The following RSRP1 variants were observed in gnomAD, a reference collection of about 807,000 sequenced individuals.
RSRP1 encodes the protein arginine/serine-rich protein 1.
Under a neutral mutation model 33.0 loss-of-function variants are expected in RSRP1, and 37 were observed. That is an observed-to-expected ratio of 1.12 (90% CI 0.86 to 1.48). The LOEUF is 1.48. Ranked by LOEUF, RSRP1 falls within the 40% of genes most tolerant of loss-of-function variation. The pLI, the probability that RSRP1 is intolerant of heterozygous loss-of-function variation, is 0.00. For missense variants in RSRP1, 402 were observed against 385.3 expected (o/e 1.04, Z -0.36); for synonymous variants, 167 against 158.7 (o/e 1.05, Z -0.40).
upstream of RSRP1, chr1:25,247,823 G>T (rs1474267061): frequency 6.6e-6 from 1 of 152,554 alleles, no homozygotes; most frequent in African/African-American, 2.4e-5. Flanking sequence ...CGGGGAGTAG[G>T]GCCGGGAGAG....
intron 1 of RSRP1, among the ~76,000 whole-genome samples, chr1:25,292,553 T>A (rs1335260660): frequency 7.7e-6 from 1 of 130,082 alleles, no homozygotes; most frequent in Non-Finnish European, 1.8e-5. Context: ...CGGCTGCTGG[T>A]GCCATTTACT....
chr1:25,259,511 C>CT (rs914257076), intron 1 of RSRP1, among the ~76,000 whole-genome samples: 61 of 149,216 alleles, frequency 4.1e-4, no homozygotes, highest in South Asian at 3.9e-3. Flanking sequence ...GATTTTTATA[C>CT]TTTTTTTTTT....
chr1:25,260,431 A>T (rs1447024352), intron 1 of RSRP1, among the ~76,000 whole-genome samples: 1 of 151,532 alleles, frequency 6.6e-6, no homozygotes, highest in Non-Finnish European at 1.5e-5. Flanking sequence ...AATTTTACAG[A>T]TTTTTTTTTC....
chr1:25,246,086 T>A (rs1639361244), intron 2 of RSRP1: 1 of 205,434 alleles, frequency 4.9e-6, no homozygotes, highest in African/African-American at 2.3e-5. Flanking sequence ...CAATCCAATT[T>A]TATTCAGTAA....
At position 25,246,614 on chromosome 1, in the gene RSRP1, C is replaced by T. The variant is rs777014511; in HGVS notation, c.350G>A (p.Ser117Asn). 2 of 1,613,926 alleles carry T rather than the reference C, an allele frequency of 1.2e-6. No homozygotes were observed. Among genetic ancestry groups the T allele is most frequent in the African/African-American group, 1.3e-5 (1 of 74,914 alleles). ...CGACCTTCCCCGAGAGCGCGACCTGCTACGGGACCGGGACCGGTACCGCGA... is the reference window on the plus strand; with the variant it reads ...CGACCTTCCCCGAGAGCGCGACCTGTTACGGGACCGGGACCGGTACCGCGA... ...SPSRYRSRSR[S>N]RSRSRGRSYC... The change falls in exon 2 of 5, where the codon AGC (serine) becomes AAC (asparagine). Residue 117 changes from serine to asparagine, a missense_variant. Ser to Asn is a conservative substitution (Grantham distance 46, BLOSUM62 1). Coordinates refer to ENST00000243189, the MANE Select transcript of RSRP1 (RefSeq NM_020317.5).
chr1:25,290,544 G>T lies in RSRP1; in HGVS notation c.-66-43515C>A, dbSNP rs1642398307. ...CCACAGAAAGTAGGTGCCCAACAGT[G>T]TTTGTTGAAAGAATGAATGAATGAA... On this transcript the variant is annotated intron_variant, in intron 1 of 1. Coordinates refer to the RSRP1 transcript ENST00000561867. The T allele has an allele frequency of 8.4e-6, 9 of 1,076,656 alleles. 1 individual carries two copies. The highest frequency in any genetic ancestry group is 7.5e-5 in the Admixed American group (4 of 53,028). The allele number at this position is 1,076,656 out of a possible 1,614,324, so 66.7% of individuals were successfully genotyped here.
rs576140769 is a variant in RSRP1, at chr1:25,244,126, GTGCAATTTGCTAA to G, written c.673-506_673-494del. On this transcript the variant is annotated intron_variant, in intron 3 of 4. Transcript: ENST00000243189. ...CACCCAGGCTGGAGTGAAAAGTACA[GTGCAATTTGCTAA>G]TGCACATCCTGCACATTTCTGGAGA... is the stretch of plus-strand genomic sequence containing the variant. 183 of 1,282,600 alleles carry G rather than the reference GTGCAATTTGCTAA, an allele frequency of 1.4e-4. 1 individual carries two copies. The African/African-American group carries it at 2.6e-3, about 18-fold the overall frequency. The allele number at this position is 1,282,600 out of a possible 1,614,324, so 79.5% of individuals were successfully genotyped here.
intron 1 of RSRP1, among the ~76,000 whole-genome samples, chr1:25,255,685 G>T (rs1639925234): frequency 6.6e-6 from 1 of 152,122 alleles, no homozygotes; most frequent in Non-Finnish European, 1.5e-5. Context: ...CCATAATGTA[G>T]AATCAGTGGG....
chr1:25,283,655 AC>A (rs1470488336), intron 1 of RSRP1, among the ~76,000 whole-genome samples: 2 of 133,944 alleles, frequency 1.5e-5, no homozygotes, highest in Admixed American at 1.4e-4. Context: ...GGTTGTGAGA[AC>A]GAAACAAGAT....
chr1:25,274,955 C>G lies in RSRP1; in HGVS notation c.-66-27926G>C, dbSNP rs1364265077. 1.5e-5 allele frequency among the ~76,000 whole-genome samples: 2 copies of G among 131,326 alleles called. 1 individual carries two copies. The highest frequency in any genetic ancestry group is 1.5e-4 in the Admixed American group (2 of 13,484). The allele number at this position is 131,326 out of a possible 152,430, so 86.2% of individuals were successfully genotyped here. A position where few individuals can be genotyped will look rare whatever the true frequency, so the allele number is the denominator to read the frequency against. The stretch of plus-strand genomic sequence containing the variant: ...AGAGTGAGACTTCATCTCAAAAAAC[C>G]AAACAACAAAAACAACAACAAGAAC... On this transcript the variant is annotated intron_variant, in intron 1 of 1. Coordinates refer to the RSRP1 transcript ENST00000561867.
intron 1 of RSRP1, among the ~76,000 whole-genome samples, chr1:25,277,686 T>G (rs1416353468): frequency 7.8e-6 from 1 of 128,204 alleles, no homozygotes; most frequent in Non-Finnish European, 1.8e-5. Context: ...ATCAAAAGCT[T>G]TTTTTTTGAG....
intron 1 of RSRP1, among the ~76,000 whole-genome samples, chr1:25,303,760 C>T (rs1408647842): frequency 7.7e-6 from 1 of 130,532 alleles, no homozygotes; most frequent in Non-Finnish European, 1.8e-5. Context: ...GCCCCGAAGC[C>T]CCTGTTTTAC....
rs1293722385 is a variant in RSRP1, at chr1:25,306,050, G to A, written c.-67+31928C>T. Among the ~76,000 whole-genome samples the A allele has an allele frequency of 2.3e-5, 3 of 131,776 alleles. 1 individual carries two copies. The highest frequency in any genetic ancestry group is 3.6e-5 in the Non-Finnish European group (2 of 55,844). The allele number at this position is 131,776 out of a possible 152,430, so 86.5% of individuals were successfully genotyped here. ...TTACTGAGTAGGGATCTGAAGGTGT[G>A]GCCTCATGCTTTCTTTCTAACCAGC... On this transcript the variant is annotated intron_variant, in intron 1 of 1. Coordinates refer to the RSRP1 transcript ENST00000561867.
intron 1 of RSRP1, among the ~76,000 whole-genome samples, chr1:25,324,610 G>A (rs528402915): frequency 4.2e-4 from 64 of 151,618 alleles, no homozygotes; most frequent in African/African-American, 1.5e-3. Context: ...GAATGTGAAA[G>A]TTTATTACTA....
In RSRP1 at chr1:25,296,337, C is replaced by A. The variant is rs1177164564; in HGVS notation, c.-67+41641G>T. Among the ~76,000 whole-genome samples the A allele has an allele frequency of 1.1e-4, 13 of 123,292 alleles. 3 individuals are homozygous for A. Among genetic ancestry groups the A allele is most frequent in the Non-Finnish European group, 2.3e-4 (12 of 51,918 alleles). 80.9% of individuals were successfully genotyped at this position (123,292 alleles called of 152,430 possible). A position where few individuals can be genotyped will look rare whatever the true frequency, so the allele number is the denominator to read the frequency against. On this transcript the variant is annotated intron_variant, in intron 1 of 1. Transcript: ENST00000561867. ...TCTCGGCTCACTGCAACCTCCGCCTCCTGGATTCAAGCAATTCTTGTGCCT... is the reference window on the plus strand; with the variant it reads ...TCTCGGCTCACTGCAACCTCCGCCTACTGGATTCAAGCAATTCTTGTGCCT...
In RSRP1 at chr1:25,290,544, G is replaced by A. The variant is rs1642398307; in HGVS notation, c.-66-43515C>T. ...CCACAGAAAGTAGGTGCCCAACAGT[G>A]TTTGTTGAAAGAATGAATGAATGAA... On this transcript the variant is annotated intron_variant, in intron 1 of 1. Coordinates refer to the RSRP1 transcript ENST00000561867. 2.8e-6 allele frequency: 3 copies of A among 1,076,548 alleles called. 1 individual carries two copies. In the African/African-American group the frequency reaches 4.9e-5, roughly 17 times the overall value. 66.7% of individuals were successfully genotyped at this position (1,076,548 alleles called of 1,614,324 possible). A position where few individuals can be genotyped will look rare whatever the true frequency, so the allele number is the denominator to read the frequency against.
At chr1:25,261,868 C>T (rs1454708711) in intron 1 of RSRP1, among the ~76,000 whole-genome samples, 1 of 151,606 alleles carries the variant, frequency 6.6e-6, no homozygotes, top group Non-Finnish European at 1.5e-5. Context: ...CACGCCACCA[C>T]ACCTAGCTAC....
chr1:25,243,215 C>T (rs1444343887), intron 4 of RSRP1, among the ~76,000 whole-genome samples: 4 of 152,104 alleles, frequency 2.6e-5, no homozygotes, highest in African/African-American at 9.7e-5. Context: ...ACAAGATACA[C>T]AAGGTATAAT....
intron 1 of RSRP1, among the ~76,000 whole-genome samples, chr1:25,282,827 G>A (rs1178870683): frequency 1.5e-5 from 2 of 129,866 alleles, no homozygotes; most frequent in African/African-American, 2.6e-5. Flanking sequence ...CCCGGGAGGT[G>A]GAGGTTGCAG....
Sources: allele counts gnomAD v4.1 joint callset (sites outside exome capture counted in the v4.1 genomes callset), GRCh38; gene constraint gnomAD v4.1.1; transcripts MANE v1.5; gene names NCBI Gene and HGNC (gene_info 2026-07-23, HGNC 2026-07-21).